Variants in LRBA observed in about 807,000 individuals in gnomAD.
LRBA encodes LPS responsive beige-like anchor protein, also known as lipopolysaccharide-responsive and beige-like anchor protein.
Under a neutral mutation model 330.0 loss-of-function variants are expected in LRBA, and 176 were observed. The ratio of observed to expected loss-of-function variants is 0.53; its 90% CI spans 0.47 to 0.60. The LOEUF (loss-of-function observed/expected upper bound fraction) is 0.60, where lower values mean the gene tolerates loss of function less well. LRBA is among the 20% of genes least tolerant of loss of function. The pLI, the probability that LRBA is intolerant of heterozygous loss-of-function variation, is 0.00. For missense variants in LRBA, 3,259 were observed against 3,444.8 expected (o/e 0.95, Z 1.35); for synonymous variants, 1,230 against 1,193.0 (o/e 1.03, Z -0.64).
chr4:150,404,632 CT>C (rs1205202484), intron 47 of LRBA, among the ~76,000 whole-genome samples: 1 of 152,152 alleles, frequency 6.6e-6, no homozygotes, highest in Non-Finnish European at 1.5e-5. Flanking sequence ...AGCTATATCA[CT>C]GAGGCTGAAG....
intron 40 of LRBA, among the ~76,000 whole-genome samples, chr4:150,515,248 AT>A (rs1320308741): frequency 6.6e-6 from 1 of 151,176 alleles, no homozygotes; most frequent in Non-Finnish European, 1.5e-5. Flanking sequence ...GAGTGGTTCA[AT>A]ACCAGGAAAT....
intron 35 of LRBA, among the ~76,000 whole-genome samples, chr4:150,760,703 A>G (rs1734953948): frequency 6.6e-6 from 1 of 152,122 alleles, no homozygotes; most frequent in African/African-American, 2.4e-5. Context: ...TGTTTACATG[A>G]CAAATCGTAC....
At chr4:150,538,178 ACT>A (rs1491280977) in intron 40 of LRBA, among the ~76,000 whole-genome samples, 1 of 152,168 alleles carries the variant, frequency 6.6e-6, no homozygotes, top group Non-Finnish European at 1.5e-5. Context: ...ACTTTTATAC[ACT>A]GTTGGTGGAA....
At chr4:150,539,944 A>G (rs780217882) in intron 40 of LRBA, among the ~76,000 whole-genome samples, 1 of 152,216 alleles carries the variant, frequency 6.6e-6, no homozygotes, top group Non-Finnish European at 1.5e-5. Context: ...ACTCACAAAT[A>G]TCGTATTAAT....
intron 17 of LRBA, among the ~76,000 whole-genome samples, chr4:150,886,588 C>T (rs370157729): frequency 6.6e-5 from 10 of 151,980 alleles, no homozygotes; most frequent in South Asian, 2.1e-4. Flanking sequence ...AGGGGAAAAA[C>T]CAAAGAATGA....
At chr4:150,653,203 A>G (rs1475832678) in intron 37 of LRBA, among the ~76,000 whole-genome samples, 1 of 152,104 alleles carries the variant, frequency 6.6e-6, no homozygotes, top group African/African-American at 2.4e-5. Flanking sequence ...TCTCTCATCA[A>G]TGTGGTTATA....
At chr4:150,606,390 T>C (rs1358647634) in intron 37 of LRBA, among the ~76,000 whole-genome samples, 1 of 152,174 alleles carries the variant, frequency 6.6e-6, no homozygotes, top group African/African-American at 2.4e-5. Flanking sequence ...TCTATTATAC[T>C]GTCCCCAAAT....
intron 47 of LRBA, among the ~76,000 whole-genome samples, chr4:150,403,793 G>A (rs1745806363): frequency 6.6e-6 from 1 of 152,124 alleles, no homozygotes; most frequent in Admixed American, 6.6e-5. Context: ...AGGCTGAGGA[G>A]GGCAGATCAT....
At chr4:150,681,325 G>C (rs62346265) in intron 37 of LRBA, among the ~76,000 whole-genome samples, 13,488 of 152,200 alleles carry the variant, frequency 0.089, 1,028 homozygotes, top group African/African-American at 0.22. Flanking sequence ...AGGGAAATCA[G>C]AGAATAGTTA....
intron 47 of LRBA, 41 bp downstream of exon 47, chr4:150,415,397 C>CA: frequency 6.3e-7 from 1 of 1,587,030 alleles, no homozygotes; most frequent in African/African-American, 1.3e-5. Context: ...ATGCTTTGAG[C>CA]AAAAGCTCAT....
Position 150,956,292 on chromosome 4 carries a change from A to T in LRBA, c.217-27227T>A, listed in dbSNP as rs750219082. 6.0e-5 allele frequency among the ~76,000 whole-genome samples: 9 copies of T among 148,960 alleles called. No individual in the cohort carries two copies. The South Asian group carries it at 8.3e-4, about 14-fold the overall frequency. On this transcript the variant is annotated intron_variant, in intron 2 of 56. Transcript: ENST00000651943. Reference sequence around the variant, plus strand: ...TAGATAAAAGGAGCAAATTCCTCAGAGGGATACAAACTACAGAAACTGACT... The same window carrying T: ...TAGATAAAAGGAGCAAATTCCTCAGTGGGATACAAACTACAGAAACTGACT...
At position 150,341,417 on chromosome 4, in the gene LRBA, C is replaced by T. The variant is rs542664285; in HGVS notation, c.7362+8575G>A. Among the ~76,000 whole-genome samples, 5 of 152,244 alleles carry T rather than the reference C, an allele frequency of 3.3e-5. No homozygotes were observed. In the East Asian group the frequency reaches 9.7e-4, roughly 29 times the overall value. On this transcript the variant is annotated intron_variant, in intron 48 of 56. Transcript: ENST00000651943. ...TCCTGCCCTCAAGCAGTCCTCCTGC[C>T]TCAGCCTCCCAAAGTGCTGGGATTA...
intron 40 of LRBA, chr4:150,581,424 GA>G: frequency 5.4e-6 from 2 of 367,548 alleles, no homozygotes; most frequent in Non-Finnish European, 1.1e-5. Flanking sequence ...TTTAAAGGAG[GA>G]AAAAACCTGG....
intron 17 of LRBA, among the ~76,000 whole-genome samples, chr4:150,875,847 C>A (rs762853851): frequency 5.3e-5 from 8 of 152,206 alleles, no homozygotes; most frequent in Non-Finnish European, 1.0e-4. Flanking sequence ...GTGACACCAT[C>A]AAAGGATCAC....
chr4:150,895,131 T>G (rs560413200), intron 16 of LRBA, among the ~76,000 whole-genome samples: 6 of 152,084 alleles, frequency 3.9e-5, no homozygotes, highest in African/African-American at 1.5e-4. Context: ...AATGCTGTGA[T>G]GTATTATATT....
intron 2 of LRBA, among the ~76,000 whole-genome samples, chr4:150,966,927 G>A (rs1265974071): frequency 6.6e-6 from 1 of 152,184 alleles, no homozygotes; most frequent in Non-Finnish European, 1.5e-5. Flanking sequence ...AGGAATCCCA[G>A]GCTGAGGCCC....
chr4:150,883,224 G>A lies in LRBA; in HGVS notation c.2165+9828C>T, dbSNP rs553223132. Reference sequence around the variant, plus strand: ...GCATGTAATCCCAGCACTTTGGGAGGCCAAGATGGGCAGATCACTTGAGGT... The same window carrying A: ...GCATGTAATCCCAGCACTTTGGGAGACCAAGATGGGCAGATCACTTGAGGT... On this transcript the variant is annotated intron_variant, in intron 17 of 56. Coordinates refer to ENST00000651943, the MANE Select transcript of LRBA (RefSeq NM_001364905.1). Among the ~76,000 whole-genome samples the A allele has an allele frequency of 6.6e-5, 10 of 152,242 alleles. No homozygotes were observed. The East Asian group carries it at 1.9e-3, about 29-fold the overall frequency.
chr4:150,900,002 C>A, intron 14 of LRBA, 47 bp downstream of exon 14: 2 of 1,395,474 alleles, frequency 1.4e-6, no homozygotes, highest in Non-Finnish European at 2.0e-6. Flanking sequence ...AAAATTAAAT[C>A]CTGATTTGCA....
At chr4:150,618,097 C>T (rs1026785265) in intron 37 of LRBA, among the ~76,000 whole-genome samples, 14 of 151,896 alleles carry the variant, frequency 9.2e-5, no homozygotes, top group African/African-American at 3.4e-4. Context: ...CAGAGCAGAG[C>T]AAGATCCTGT....
Sources: gnomAD v4.1 joint callset for allele counts (sites outside exome capture counted in the v4.1 genomes callset) on GRCh38, gnomAD v4.1.1 for gene constraint, MANE v1.5 for transcripts, NCBI Gene and HGNC (gene_info 2026-07-23, HGNC 2026-07-21) for gene names.